NTF3: variants seen among roughly 807,000 people sequenced by gnomAD.
NTF3 encodes neurotrophin-3.
Under a neutral mutation model 26.3 loss-of-function variants are expected in NTF3, and 8 were observed. The observed-to-expected ratio is 0.30, with a 90% CI of 0.18 to 0.55. The LOEUF (loss-of-function observed/expected upper bound fraction) is 0.55. NTF3 is among the 20% of genes least tolerant of loss of function. The pLI, the probability that NTF3 is intolerant of heterozygous loss-of-function variation, is 0.93. For synonymous variants in NTF3, 154 were observed against 145.5 expected (o/e 1.06, Z -0.42); for missense variants, 276 against 352.9 (o/e 0.78, Z 1.75).
chr12:5,458,954 G>A (rs1380775218), intron 1 of NTF3, among the ~76,000 whole-genome samples: 1 of 152,146 alleles, frequency 6.6e-6, no homozygotes. Context: ...CTATTTTATA[G>A]GATGGTAACT....
At position 5,494,960 on chromosome 12, in the gene NTF3, C is replaced by T; in HGVS notation, c.785C>T (p.Ala262Val). 6.2e-7 allele frequency: 1 copy of T among 1,613,940 alleles called. No individual in the cohort carries two copies. Among genetic ancestry groups the T allele is most frequent in the Non-Finnish European group, 8.5e-7 (1 of 1,179,984 alleles). The change falls in exon 2 of 2, where the codon GCC becomes GTC. Residue 262 changes from alanine (A) to valine (V), a missense_variant. Physicochemically the swap from Ala to Val is moderately conservative, Grantham distance 64. This residue lies in a region of NTF3 where 52 missense variants were observed against 78.4 expected (regional missense o/e 0.66). Coordinates refer to ENST00000423158, the MANE Select transcript of NTF3 (RefSeq NM_001102654.2). The surrounding 1 kb of genome is among the most constrained non-coding windows in gnomAD (Gnocchi z 8.3). The part of the protein sequence containing the change: ...WIRIDTSCVC[A>V]LSRKIGRT ...CGGATAGACACGTCCTGTGTGTGTG[C>T]CTTGTCGAGAAAAATCGGAAGAACA...
At chr12:5,492,649 T>C (rs1940952303) in intron 1 of NTF3, among the ~76,000 whole-genome samples, 1 of 152,160 alleles carries the variant, frequency 6.6e-6, no homozygotes, top group Non-Finnish European at 1.5e-5. Flanking sequence ...AAGGAGTCAG[T>C]TTTCCCAAAG....
chr12:5,487,351 C>G (rs539517461), intron 1 of NTF3, among the ~76,000 whole-genome samples: 1 of 152,328 alleles, frequency 6.6e-6, no homozygotes, highest in South Asian at 2.1e-4. Context: ...AACAGCTGTG[C>G]AAAGGAAACT....
At chr12:5,446,934 G>A (rs1474707050) in intron 1 of NTF3, among the ~76,000 whole-genome samples, 1 of 152,180 alleles carries the variant, frequency 6.6e-6, no homozygotes, top group African/African-American at 2.4e-5. Flanking sequence ...GAAGAGAGCA[G>A]GCCAGGTAGT....
intron 1 of NTF3, among the ~76,000 whole-genome samples, chr12:5,462,931 G>A (rs1827238538): frequency 6.6e-6 from 1 of 152,190 alleles, no homozygotes; most frequent in African/African-American, 2.4e-5. Context: ...TCTTGGTAGA[G>A]CTCTTTATAT....
chr12:5,449,463 G>A (rs1342460855), intron 1 of NTF3, among the ~76,000 whole-genome samples: 1 of 152,138 alleles, frequency 6.6e-6, no homozygotes, highest in Non-Finnish European at 1.5e-5. Context: ...CGTTTTGCAG[G>A]TTGTAGTGCT....
chr12:5,494,650 C>T lies in NTF3; in HGVS notation c.475C>T (p.Arg159Ter). The T allele has an allele frequency of 1.2e-6, 2 of 1,614,042 alleles. No individual in the cohort carries two copies. Among genetic ancestry groups the T allele is most frequent in the Non-Finnish European group, 1.7e-6 (2 of 1,180,030 alleles). The change falls in exon 2 of 2, where the codon CGA becomes TGA. Residue 159 changes from arginine (R) to a stop codon, truncating the protein, a stop_gained. Coordinates refer to ENST00000423158, the MANE Select transcript of NTF3 (RefSeq NM_001102654.2). LOFTEE classifies it high-confidence loss of function. The surrounding 1 kb of genome is among the most constrained non-coding windows in gnomAD (Gnocchi z 8.3). ...RKRYAEHKSH[R>*]GEYSVCDSES... ...ACGGTACGCGGAGCATAAGAGTCAC[C>T]GAGGGGAGTACTCGGTATGTGACAG...
chr12:5,494,019 G>A lies in NTF3; in HGVS notation c.19-175G>A, dbSNP rs1940970263. 1 of 617,814 alleles carries A rather than the reference G, an allele frequency of 1.6e-6. No individual in the cohort carries two copies. 38.3% of individuals were successfully genotyped at this position (617,814 alleles called of 1,614,324 possible). ...AGTGCATTCGCAGTATCTCCCGGGG[G>A]TGGGGGAAAGAAATCACCTCTTCAG... On this transcript the variant is annotated intron_variant, in intron 1 of 1. Transcript: ENST00000423158. The surrounding 1 kb of genome is among the most constrained non-coding windows in gnomAD (Gnocchi z 8.3).
At chr12:5,437,051 G>A (rs557212182) in intron 1 of NTF3, among the ~76,000 whole-genome samples, 1 of 152,302 alleles carries the variant, frequency 6.6e-6, no homozygotes, top group East Asian at 1.9e-4. Flanking sequence ...GAAAGCCTGG[G>A]CTTTGGGTCT....
intron 1 of NTF3, among the ~76,000 whole-genome samples, chr12:5,484,484 A>G (rs1940843755): frequency 6.6e-6 from 1 of 152,222 alleles, no homozygotes; most frequent in Non-Finnish European, 1.5e-5. Flanking sequence ...GATGATTTTT[A>G]TGGACTCTTT....
intron 1 of NTF3, among the ~76,000 whole-genome samples, chr12:5,454,358 G>T (rs184974712): frequency 6.6e-6 from 1 of 152,286 alleles, no homozygotes; most frequent in African/African-American, 2.4e-5. Flanking sequence ...ATTGGATTAA[G>T]TTCTACCCTA....
At chr12:5,471,010 T>G (rs1940658619) in intron 1 of NTF3, among the ~76,000 whole-genome samples, 1 of 151,466 alleles carries the variant, frequency 6.6e-6, no homozygotes, top group Admixed American at 6.6e-5. Context: ...GCAATGCAAG[T>G]TTCCATTCAT....
intron 1 of NTF3, among the ~76,000 whole-genome samples, chr12:5,441,874 C>G (rs1940241765): frequency 6.6e-6 from 1 of 152,178 alleles, no homozygotes; most frequent in Non-Finnish European, 1.5e-5. Flanking sequence ...GTTCTTACTC[C>G]CTTTTAGAGA....
chr12:5,454,794 G>A (rs1336466816), intron 1 of NTF3, among the ~76,000 whole-genome samples: 1 of 152,226 alleles, frequency 6.6e-6, no homozygotes, highest in Non-Finnish European at 1.5e-5. Flanking sequence ...AAAAGGGGGA[G>A]TAGATGGAGG....
rs528889599 is a variant in NTF3 at position 5,456,648 on chromosome 12, G to C, written c.18+24306G>C. 7.9e-3 allele frequency among the ~76,000 whole-genome samples: 1,210 copies of C among 152,262 alleles called. 9 individuals carry two copies. The highest frequency in any genetic ancestry group is 0.013 in the Non-Finnish European group (874 of 68,018). ...CCAGCCCCTGGAGCAGGTACTCGGG[G>C]TCAGAGCTCTGCTGAGGGTCTGGCT... On this transcript the variant is annotated intron_variant, in intron 1 of 1. Coordinates refer to ENST00000423158, the MANE Select transcript of NTF3 (RefSeq NM_001102654.2). This position sits in a 1 kb window ranked among gnomAD's most constrained non-coding sequence, Gnocchi z 4.4.
chr12:5,482,910 ATC>A (rs1417803610), intron 1 of NTF3, among the ~76,000 whole-genome samples: 1 of 119,966 alleles, frequency 8.3e-6, no homozygotes, highest in Non-Finnish European at 1.7e-5. Flanking sequence ...GTCTTTCTGC[ATC>A]TCTGTTTCTG....
chr12:5,441,428 A>T (rs1940234474), intron 1 of NTF3, among the ~76,000 whole-genome samples: 1 of 152,168 alleles, frequency 6.6e-6, no homozygotes, highest in African/African-American at 2.4e-5. Context: ...ATTGTGCTTC[A>T]AATGCTTACC....
intron 1 of NTF3, among the ~76,000 whole-genome samples, chr12:5,478,359 C>T (rs1940748508): frequency 1.3e-5 from 2 of 152,238 alleles, no homozygotes; most frequent in Admixed American, 1.3e-4. Context: ...ACATTATTAA[C>T]ATCACCAGGA....
At chr12:5,445,800 C>T (rs1392364099) in intron 1 of NTF3, among the ~76,000 whole-genome samples, 1 of 152,160 alleles carries the variant, frequency 6.6e-6, no homozygotes, top group African/African-American at 2.4e-5. Flanking sequence ...GATATCTGTC[C>T]CATCCTCACC....
Sources: allele counts gnomAD v4.1 joint callset (sites outside exome capture counted in the v4.1 genomes callset), GRCh38; gene constraint gnomAD v4.1.1; regional missense constraint gnomAD v4.1.1; non-coding constraint Gnocchi (gnomAD v3.1); transcripts MANE v1.5; gene names NCBI Gene and HGNC (gene_info 2026-07-23, HGNC 2026-07-21).